Variants in SORCS3 observed in about 807,000 individuals in gnomAD.
SORCS3 encodes sortilin related VPS10 domain containing receptor 3, also known as VPS10 domain-containing receptor SorCS3.
SORCS3 carries 57 observed loss-of-function variants against 146.3 expected under a neutral mutation model. The observed-to-expected ratio is 0.39, with a 90% CI of 0.31 to 0.49. The LOEUF (loss-of-function observed/expected upper bound fraction) is 0.49. Ranked by LOEUF, SORCS3 falls within the 20% of genes least tolerant of loss-of-function variation. The pLI, the probability that SORCS3 is intolerant of heterozygous loss-of-function variation, is 0.92. For synonymous variants in SORCS3, 653 were observed against 618.5 expected (o/e 1.06, Z -0.83); for missense variants, 1,341 against 1,575.5 (o/e 0.85, Z 2.52).
chr10:104,935,499 C>T (rs2019251176), intron 3 of SORCS3, among the ~76,000 whole-genome samples: 1 of 152,136 alleles, frequency 6.6e-6, no homozygotes, highest in African/African-American at 2.4e-5. Context: ...TATTGTACTT[C>T]CAGCATCAAG....
At chr10:105,167,379 G>T in intron 13 of SORCS3, 30 bp downstream of exon 13, 1 of 1,537,692 alleles carries the variant, frequency 6.5e-7, no homozygotes, top group Non-Finnish European at 9.0e-7. Flanking sequence ...CTATTAATGA[G>T]CTAATGAGCA....
At chr10:104,700,395 C>G (rs902578974) in intron 1 of SORCS3, among the ~76,000 whole-genome samples, 1 of 151,026 alleles carries the variant, frequency 6.6e-6, no homozygotes, top group Non-Finnish European at 1.5e-5. Flanking sequence ...CATGTTCCAG[C>G]AGACTCCATG....
intron 4 of SORCS3, among the ~76,000 whole-genome samples, chr10:105,030,595 C>CT (rs34314523): frequency 0.21 from 29,944 of 144,026 alleles, 3,141 homozygotes; most frequent in African/African-American, 0.27. Context: ...GCTGAAGATC[C>CT]TTTTTTTTTT....
chr10:105,078,953 A>T (rs1230838730), intron 5 of SORCS3, among the ~76,000 whole-genome samples: 1 of 141,100 alleles, frequency 7.1e-6, no homozygotes, highest in Non-Finnish European at 1.6e-5. Context: ...CTGAGATTGT[A>T]TCTTGGGCTC....
At chr10:104,855,545 C>T (rs1394143170) in intron 2 of SORCS3, among the ~76,000 whole-genome samples, 2 of 152,088 alleles carry the variant, frequency 1.3e-5, no homozygotes, top group African/African-American at 2.4e-5. Context: ...GTTAAGTGTA[C>T]ACTTATTTAA....
intron 4 of SORCS3, among the ~76,000 whole-genome samples, chr10:105,018,836 T>A (rs11598106): frequency 2.6e-5 from 4 of 151,958 alleles, no homozygotes; most frequent in African/African-American, 9.7e-5. Flanking sequence ...CTCAAACTTA[T>A]ATTATTGGTT....
chr10:105,037,175 G>A (rs567219701), intron 4 of SORCS3, among the ~76,000 whole-genome samples: 17 of 152,288 alleles, frequency 1.1e-4, no homozygotes, highest in African/African-American at 4.1e-4. Context: ...AGAAATGTAG[G>A]CAAATGAGGG....
chr10:104,778,621 T>A (rs936074412), intron 1 of SORCS3, among the ~76,000 whole-genome samples: 1 of 152,222 alleles, frequency 6.6e-6, no homozygotes, highest in South Asian at 2.1e-4. Context: ...GTCAGATGAG[T>A]CTGGTAGTGT....
At chr10:105,040,359 G>T (rs531706568) in intron 4 of SORCS3, among the ~76,000 whole-genome samples, 1 of 152,084 alleles carries the variant, frequency 6.6e-6, no homozygotes, top group African/African-American at 2.4e-5. Context: ...AGTGTCCACC[G>T]CTTTTGGCCA....
At chr10:104,968,007 A>C (rs945122336) in intron 3 of SORCS3, among the ~76,000 whole-genome samples, 4 of 152,096 alleles carry the variant, frequency 2.6e-5, no homozygotes, top group African/African-American at 9.7e-5. Flanking sequence ...TTTAGTACTT[A>C]TGTGCCTGGT....
At chr10:104,722,059 T>C (rs1201752431) in intron 1 of SORCS3, among the ~76,000 whole-genome samples, 3 of 152,228 alleles carry the variant, frequency 2.0e-5, no homozygotes, top group Non-Finnish European at 4.4e-5. Flanking sequence ...TTGTGCCAGT[T>C]TTCAAAGGGA....
At chr10:105,215,445 C>G (rs1564786824) in intron 18 of SORCS3, among the ~76,000 whole-genome samples, 1 of 152,142 alleles carries the variant, frequency 6.6e-6, no homozygotes, top group African/African-American at 2.4e-5. Context: ...CTTCAGAAAC[C>G]TTTAAAAGTC....
At chr10:104,689,414 G>C (rs2016087596) in intron 1 of SORCS3, among the ~76,000 whole-genome samples, 1 of 152,206 alleles carries the variant, frequency 6.6e-6, no homozygotes, top group Non-Finnish European at 1.5e-5. Flanking sequence ...GTGGTTGTTT[G>C]TTTGCGTGTC....
intron 1 of SORCS3, among the ~76,000 whole-genome samples, chr10:104,792,143 A>G (rs1589500803): frequency 6.6e-6 from 1 of 152,202 alleles, no homozygotes; most frequent in African/African-American, 2.4e-5. Flanking sequence ...AGCCTGGGCC[A>G]GTGTCTACCT....
In SORCS3 at chr10:104,643,410, G is replaced by T. The variant is rs920275897; in HGVS notation, c.627+1456G>T. On this transcript the variant is annotated intron_variant, in intron 1 of 26. Transcript: ENST00000369701. ...CTTGGTTTCTAATGATGCACAGCGC[G>T]GGCAGCCCAGCCTGGGTAGCCCATG... Among the ~76,000 whole-genome samples, 251 of 152,332 alleles carry T rather than the reference G, an allele frequency of 1.6e-3. 6 individuals carry two copies. Among genetic ancestry groups the T allele is most frequent in the Non-Finnish European group, 3.7e-4 (25 of 68,028 alleles).
chr10:104,994,624 C>A (rs969078659), intron 4 of SORCS3, among the ~76,000 whole-genome samples: 1 of 152,168 alleles, frequency 6.6e-6, no homozygotes, highest in African/African-American at 2.4e-5. Context: ...ATCCCCTCAC[C>A]ATATTCACAA....
chr10:104,848,677 G>A (rs6584629), intron 2 of SORCS3, among the ~76,000 whole-genome samples: 19,276 of 152,144 alleles, frequency 0.13, 2,359 homozygotes, highest in African/African-American at 0.32. Flanking sequence ...AAACTGGGAC[G>A]GTCTCCTATT....
At position 105,182,553 on chromosome 10, in the gene SORCS3, A is replaced by G. The variant is rs367561736; in HGVS notation, c.2009+4380A>G. Among the ~76,000 whole-genome samples, 37 of 152,274 alleles carry G rather than the reference A, an allele frequency of 2.4e-4. No homozygotes were observed. The East Asian group carries it at 3.9e-3, about 16-fold the overall frequency. ...TTACTTAGTAAGATGAGTGCCTGCTATGCTGCCAGACACCAAGTCACAGCA... is the reference window on the plus strand; with the variant it reads ...TTACTTAGTAAGATGAGTGCCTGCTGTGCTGCCAGACACCAAGTCACAGCA... On this transcript the variant is annotated intron_variant, in intron 14 of 26. Coordinates refer to ENST00000369701, the MANE Select transcript of SORCS3 (RefSeq NM_014978.3).
intron 1 of SORCS3, among the ~76,000 whole-genome samples, chr10:104,743,127 T>C (rs554992016): frequency 6.6e-6 from 1 of 152,300 alleles, no homozygotes; most frequent in Non-Finnish European, 1.5e-5. Context: ...GAAAATGCAC[T>C]ATACAAGTGA....
Sources: allele counts gnomAD v4.1 joint callset (sites outside exome capture counted in the v4.1 genomes callset), GRCh38; gene constraint gnomAD v4.1.1; transcripts MANE v1.5; gene names NCBI Gene and HGNC (gene_info 2026-07-23, HGNC 2026-07-21).